LIMK2: variants seen among roughly 807,000 people sequenced by gnomAD.
LIMK2 encodes the protein LIM domain kinase 2.
LIMK2 carries 35 observed loss-of-function variants against 75.7 expected under a neutral mutation model. The observed-to-expected ratio is 0.46, with a 90% CI of 0.35 to 0.61. The LOEUF is 0.61. Among genes scored for constraint, LIMK2 ranks in the 20% least tolerant of loss-of-function variants. LIMK2 has a pLI of 0.00. For synonymous variants in LIMK2, 301 were observed against 319.2 expected, an observed-to-expected ratio of 0.94 and a Z score of 0.61; for missense variants, 623 against 831.0, an observed-to-expected ratio of 0.75 and a Z score of 3.08.
intron 2 of LIMK2, among the ~76,000 whole-genome samples, chr22:31,249,439 C>T (rs1398598845): frequency 1.3e-5 from 2 of 152,128 alleles, no homozygotes; most frequent in Non-Finnish European, 2.9e-5. Context: ...CTAAGTACCT[C>T]CACGAGCCTC....
chr22:31,230,280 C>G (rs541731601), intron 2 of LIMK2: 33 of 152,242 alleles, frequency 2.2e-4, no homozygotes, highest in African/African-American at 7.7e-4. Context: ...GGACCTGGCT[C>G]TCTCTCCTTA....
At chr22:31,221,566 C>T (rs2123768457) in intron 1 of LIMK2, among the ~76,000 whole-genome samples, 1 of 152,262 alleles carries the variant, frequency 6.6e-6, no homozygotes, top group African/African-American at 2.4e-5. Context: ...CTCACTGCAA[C>T]CTCCGCCTAC....
At chr22:31,248,828 G>C in intron 2 of LIMK2, 1 of 1,571,260 alleles carries the variant, frequency 6.4e-7, no homozygotes, top group Non-Finnish European at 8.8e-7. Context: ...CTGAGAGGAG[G>C]GTGGTCTCCC....
intron 2 of LIMK2, among the ~76,000 whole-genome samples, chr22:31,253,312 A>G (rs1471738307): frequency 6.6e-6 from 1 of 152,242 alleles, no homozygotes; most frequent in Non-Finnish European, 1.5e-5. Flanking sequence ...GAAAGGTAGA[A>G]AAACAGCCTT....
In LIMK2 at chr22:31,266,148, A is replaced by G. The variant is rs2048893142; in HGVS notation, c.1041+16A>G. ...GGCTATCAAGGTGAGCGCAGGCAAC[A>G]ATTGCTTTGCTCTTCTGCCCCCAGT... On this transcript the variant is annotated intron_variant, in intron 8 of 15. Coordinates refer to ENST00000331728, the MANE Select transcript of LIMK2 (RefSeq NM_005569.4). The G allele has an allele frequency of 6.2e-7, 1 of 1,612,984 alleles. No individual in the cohort carries two copies.
At chr22:31,252,983 A>C (rs182610316) in intron 2 of LIMK2, among the ~76,000 whole-genome samples, 1 of 152,244 alleles carries the variant, frequency 6.6e-6, no homozygotes, top group Non-Finnish European at 1.5e-5. Context: ...CTGCTGACTC[A>C]AAAGGTCTCT....
chr22:31,245,330 T>G (rs1256726838), intron 2 of LIMK2, among the ~76,000 whole-genome samples: 1 of 152,152 alleles, frequency 6.6e-6, no homozygotes, highest in Non-Finnish European at 1.5e-5. Flanking sequence ...AGACAGAGTT[T>G]CACTCTTGTT....
chr22:31,268,533 C>T (rs902435693), intron 11 of LIMK2, among the ~76,000 whole-genome samples: 4 of 152,220 alleles, frequency 2.6e-5, no homozygotes, highest in African/African-American at 9.6e-5. Context: ...ACCTCACTGC[C>T]TAGGAAATCA....
intron 2 of LIMK2, among the ~76,000 whole-genome samples, chr22:31,244,134 G>A (rs2048646139): frequency 6.6e-6 from 1 of 152,200 alleles, no homozygotes; most frequent in Non-Finnish European, 1.5e-5. Context: ...GGGGAGAGGA[G>A]AGCGCCTGCA....
intron 2 of LIMK2, among the ~76,000 whole-genome samples, chr22:31,236,976 A>G (rs1372062024): frequency 6.7e-6 from 1 of 149,584 alleles, no homozygotes; most frequent in African/African-American, 2.5e-5. Context: ...AAAAATATGG[A>G]GGCCAGCAGG....
chr22:31,254,013 C>CAG (rs2048752006), intron 2 of LIMK2, among the ~76,000 whole-genome samples: 1 of 152,238 alleles, frequency 6.6e-6, no homozygotes, highest in African/African-American at 2.4e-5. Context: ...TCCAGTTCTT[C>CAG]AGAGACATGT....
At chr22:31,272,414 CCCTTGCTATACA>C (rs2048968229) in intron 12 of LIMK2, 104 bp from the exon 13 acceptor site, 1 of 954,938 alleles carries the variant, frequency 1.0e-6, no homozygotes, top group Admixed American at 2.4e-5. Flanking sequence ...CTCTGATTCT[CCCTTGCTATACA>C]CCTTTTCTCC....
chr22:31,216,911 C>T (rs915143745), intron 1 of LIMK2, among the ~76,000 whole-genome samples: 3 of 152,246 alleles, frequency 2.0e-5, no homozygotes, highest in South Asian at 4.2e-4. Flanking sequence ...TCTTTCTCAT[C>T]CTTTATCTAT....
chr22:31,271,238 C>T lies in LIMK2; in HGVS notation c.1383+37C>T, dbSNP rs557127767. 7 of 1,575,952 alleles carry T rather than the reference C, an allele frequency of 4.4e-6. No individual in the cohort carries two copies. In the East Asian group the frequency reaches 1.6e-4, roughly 35 times the overall value. On this transcript the variant is annotated intron_variant, in intron 12 of 15. Transcript: ENST00000331728. ...TGCTCTGGGCCTGGCCTCCAGGGTC[C>T]TATCCTTCCTGGCTTCCTTGTCACA...
rs752503455 is a variant in LIMK2, at chr22:31,267,905, A to C, written c.1258A>C (p.Met420Leu). The C allele has an allele frequency of 6.3e-7, 1 of 1,596,590 alleles. No individual in the cohort carries two copies. The highest frequency in any genetic ancestry group is 1.3e-5 in the African/African-American group (1 of 74,134). The change falls in exon 10 of 16, where the codon ATG (methionine) becomes CTG (leucine). Residue 420 changes from methionine to leucine, a missense_variant and splice_region_variant. Around this residue, in one of 3 missense-constraint regions of LIMK2, gnomAD observed 514 missense variants for 661.3 expected, o/e 0.78. Transcript: ENST00000331728. Reference protein sequence around the residue: ...GGTLKDFLRSMDPFPWQQKVR... With the variant: ...GGTLKDFLRSLDPFPWQQKVR... ...CACACTGAAGGACTTTCTGCGCAGT[A>C]TGGTGAGCACACCACCCCATAGTCT...
intron 2 of LIMK2, among the ~76,000 whole-genome samples, chr22:31,246,183 G>GCACGCACACA (rs1555886279): frequency 5.9e-5 from 8 of 134,994 alleles, no homozygotes; most frequent in Non-Finnish European, 1.1e-4. Context: ...ACGCACGCAC[G>GCACGCACACA]CACACACACA....
At chr22:31,246,882 C>T (rs1301200473) in intron 2 of LIMK2, among the ~76,000 whole-genome samples, 3 of 152,134 alleles carry the variant, frequency 2.0e-5, no homozygotes, top group Non-Finnish European at 4.4e-5. Context: ...GACGTTTCCT[C>T]CTTTTACTGG....
chr22:31,276,724 TG>T, intron 15 of LIMK2: 2 of 1,456,402 alleles, frequency 1.4e-6, no homozygotes, highest in Non-Finnish European at 1.8e-6. Flanking sequence ...GGCGCGGCGT[TG>T]GCGGCCCCGG....
chr22:31,258,806 C>G (rs193102546), intron 3 of LIMK2: 1 of 413,128 alleles, frequency 2.4e-6, no homozygotes, highest in Admixed American at 3.6e-5. Flanking sequence ...TATACCTGCT[C>G]TGGACAAACG....
Sources: allele counts gnomAD v4.1 joint callset (sites outside exome capture counted in the v4.1 genomes callset), GRCh38; gene constraint gnomAD v4.1.1; regional missense constraint gnomAD v4.1.1; transcripts MANE v1.5; gene names NCBI Gene and HGNC (gene_info 2026-07-23, HGNC 2026-07-21).